KCNQ1OT1: variants seen among roughly 807,000 people sequenced by gnomAD.
KCNQ1OT1 encodes KCNQ1 antisense RNA 2 (non-protein coding).
exon 1 of KCNQ1OT1, chr11:2,639,142 C>A (rs1214278798): frequency 5.9e-5 from 9 of 152,078 alleles, no homozygotes; most frequent in Admixed American, 2.0e-4. Flanking sequence ...TTTTTAGCTT[C>A]TTTGCTTTGG....
At chr11:2,640,609 T>G in exon 1 of KCNQ1OT1, 1 of 397,802 alleles carries the variant, frequency 2.5e-6, no homozygotes, top group East Asian at 3.6e-5. Context: ...GGGGTACATG[T>G]GCTATTGTTA....
At chr11:2,631,278 A>C (rs917511554) in exon 1 of KCNQ1OT1, 2 of 398,244 alleles carry the variant, frequency 5.0e-6, no homozygotes, top group African/African-American at 2.1e-5. Context: ...TTACCTTTTC[A>C]TTCTTTATTT....
At position 2,608,582 on chromosome 11, in the gene KCNQ1OT1, C is replaced by T. The variant is rs899706095; in HGVS notation, n.91413G>A. The T allele has an allele frequency of 5.8e-5, 23 of 398,394 alleles. No individual in the cohort carries two copies. Among genetic ancestry groups the T allele is most frequent in the African/African-American group, 1.2e-4 (6 of 48,580 alleles). The allele number at this position is 398,394 out of a possible 1,614,324, so 24.7% of individuals were successfully genotyped here. A position where few individuals can be genotyped will look rare whatever the true frequency, so the allele number is the denominator to read the frequency against. ...CCTCGATCTCCTAGTCTCAAGTGAT[C>T]CTTGCCCCTTAGCCTATGACAGGTG... On this transcript the variant is annotated non_coding_transcript_exon_variant, in exon 1 of 1. Transcript: ENST00000597346. The surrounding 1 kb of genome is among the most constrained non-coding windows in gnomAD (Gnocchi z 4.6).
At position 2,653,502 on chromosome 11, in the gene KCNQ1OT1, G is replaced by C; in HGVS notation, n.46493C>G. ...TCAGACACAGCTGGACCCCAGAGCT[G>C]AGATGATCTTGCTCACTTGCTCTCA... On this transcript the variant is annotated non_coding_transcript_exon_variant, in exon 1 of 1. Transcript: ENST00000597346. This position sits in a 1 kb window ranked among gnomAD's most constrained non-coding sequence, Gnocchi z 5.3. 1 of 398,682 alleles carries C rather than the reference G, an allele frequency of 2.5e-6. No individual in the cohort carries two copies. Among genetic ancestry groups the C allele is most frequent in the Non-Finnish European group, 4.4e-6 (1 of 226,136 alleles). 24.7% of individuals were successfully genotyped at this position (398,682 alleles called of 1,614,324 possible).
rs1452563825 is a variant in KCNQ1OT1 at position 2,613,110 on chromosome 11, T to C, written n.86885A>G. 2.5e-6 allele frequency: 1 copy of C among 398,660 alleles called. No individual in the cohort carries two copies. 24.7% of individuals were successfully genotyped at this position (398,660 alleles called of 1,614,324 possible). ...TTAGTCAGACATTTGTTTAAACATC[T>C]TGAGCCAGTGAATCTTCCACCCTCT... On this transcript the variant is annotated non_coding_transcript_exon_variant, in exon 1 of 1. Coordinates refer to ENST00000597346, the Ensembl canonical transcript of KCNQ1OT1. This position sits in a 1 kb window ranked among gnomAD's most constrained non-coding sequence, Gnocchi z 4.8.
At position 2,647,233 on chromosome 11, in the gene KCNQ1OT1, A is replaced by G. The variant is rs1465359562; in HGVS notation, n.52762T>C. 3 of 398,206 alleles carry G rather than the reference A, an allele frequency of 7.5e-6. No homozygotes were observed. The highest frequency in any genetic ancestry group is 1.3e-5 in the Non-Finnish European group (3 of 226,010). The allele number at this position is 398,206 out of a possible 1,614,324, so 24.7% of individuals were successfully genotyped here. A position where few individuals can be genotyped will look rare whatever the true frequency, so the allele number is the denominator to read the frequency against. Reference sequence around the variant, plus strand: ...TTTTTCTGCATCTATTGAGATGATCATGTATTTTTTTGTCCTTCCTTCTGT... The same window carrying G: ...TTTTTCTGCATCTATTGAGATGATCGTGTATTTTTTTGTCCTTCCTTCTGT... On this transcript the variant is annotated non_coding_transcript_exon_variant, in exon 1 of 1. Coordinates refer to ENST00000597346, the Ensembl canonical transcript of KCNQ1OT1. The surrounding 1 kb of genome is among the most constrained non-coding windows in gnomAD (Gnocchi z 4.0).
chr11:2,632,296 T>C (rs1319477957), exon 1 of KCNQ1OT1: 2 of 398,558 alleles, frequency 5.0e-6, no homozygotes, highest in Non-Finnish European at 8.8e-6. Flanking sequence ...CAGGGATTTC[T>C]ACAAATATGA....
rs949898027 is a variant in KCNQ1OT1 at position 2,683,344 on chromosome 11, A to C, written n.16651T>G. ...GGTTTCCCCCGCTCAACACTAGGCC[A>C]CTGTGCCTGCCACTGCTGTCTGCAA... On this transcript the variant is annotated non_coding_transcript_exon_variant, in exon 1 of 1. Transcript: ENST00000597346. The surrounding 1 kb of genome is among the most constrained non-coding windows in gnomAD (Gnocchi z 4.7). 2.5e-6 allele frequency: 1 copy of C among 398,534 alleles called. No individual in the cohort carries two copies. Among genetic ancestry groups the C allele is most frequent in the Non-Finnish European group, 4.4e-6 (1 of 226,040 alleles). 24.7% of individuals were successfully genotyped at this position (398,534 alleles called of 1,614,324 possible).
chr11:2,624,210 A>G lies in KCNQ1OT1; in HGVS notation n.75785T>C, dbSNP rs903610398. On this transcript the variant is annotated non_coding_transcript_exon_variant, in exon 1 of 1. Coordinates refer to ENST00000597346, the Ensembl canonical transcript of KCNQ1OT1. The surrounding 1 kb of genome is among the most constrained non-coding windows in gnomAD (Gnocchi z 4.9). Reference sequence around the variant, plus strand: ...TTTCATATACTTAGTTGCCATCTGTATATCTTCATTGGTGAGATGTCTGTT... The same window carrying G: ...TTTCATATACTTAGTTGCCATCTGTGTATCTTCATTGGTGAGATGTCTGTT... 1.5e-5 allele frequency: 6 copies of G among 398,452 alleles called. No homozygotes were observed. The highest frequency in any genetic ancestry group is 1.1e-4 in the East Asian group (3 of 28,076). The allele number at this position is 398,452 out of a possible 1,614,324, so 24.7% of individuals were successfully genotyped here. A position where few individuals can be genotyped will look rare whatever the true frequency, so the allele number is the denominator to read the frequency against.
Position 2,695,303 on chromosome 11 carries a change from T to C in KCNQ1OT1, n.4692A>G. 2.5e-6 allele frequency: 1 copy of C among 397,980 alleles called. No individual in the cohort carries two copies. The highest frequency in any genetic ancestry group is 3.6e-5 in the East Asian group (1 of 28,060). 24.7% of individuals were successfully genotyped at this position (397,980 alleles called of 1,614,324 possible). On this transcript the variant is annotated non_coding_transcript_exon_variant, in exon 1 of 1. Coordinates refer to ENST00000597346, the Ensembl canonical transcript of KCNQ1OT1. The surrounding 1 kb of genome is among the most constrained non-coding windows in gnomAD (Gnocchi z 5.2). ...TGCTCTCCTCCCTACACAAACAGCT[T>C]CTCCAGGGTAATTTATTTATATCAT...
chr11:2,628,640 G>C (rs927946218), exon 1 of KCNQ1OT1: 4 of 398,086 alleles, frequency 1.0e-5, no homozygotes, highest in African/African-American at 8.2e-5. Flanking sequence ...TTTTTTGTTT[G>C]ATGTAGTTCT....
chr11:2,648,073 C>T (rs1849694325), exon 1 of KCNQ1OT1: 4 of 393,082 alleles, frequency 1.0e-5, no homozygotes, highest in Non-Finnish European at 8.9e-6. Flanking sequence ...AAAAAATTAG[C>T]GAGGTGTGGT....
At position 2,664,369 on chromosome 11, in the gene KCNQ1OT1, G is replaced by A. The variant is rs1202985247; in HGVS notation, n.35626C>T. 3 of 398,772 alleles carry A rather than the reference G, an allele frequency of 7.5e-6. No homozygotes were observed. The highest frequency in any genetic ancestry group is 1.3e-5 in the Non-Finnish European group (3 of 226,256). 24.7% of individuals were successfully genotyped at this position (398,772 alleles called of 1,614,324 possible). A position where few individuals can be genotyped will look rare whatever the true frequency, so the allele number is the denominator to read the frequency against. On this transcript the variant is annotated non_coding_transcript_exon_variant, in exon 1 of 1. Coordinates refer to ENST00000597346, the Ensembl canonical transcript of KCNQ1OT1. This position sits in a 1 kb window ranked among gnomAD's most constrained non-coding sequence, Gnocchi z 5.1. The stretch of plus-strand genomic sequence containing the variant: ...TGGGTTCCTGCATCCTCAGAAGTCA[G>A]GGTACGGTCCCTCCAGAGAGGCCTG...
exon 1 of KCNQ1OT1, chr11:2,681,391 G>A (rs190777761): frequency 3.5e-5 from 14 of 398,336 alleles, no homozygotes; most frequent in Non-Finnish European, 5.3e-5. Flanking sequence ...TTGGGGCTGG[G>A]GTGACTAAAG....
exon 1 of KCNQ1OT1, chr11:2,685,697 G>T: frequency 2.5e-6 from 1 of 398,644 alleles, no homozygotes; most frequent in South Asian, 1.3e-4. Flanking sequence ...TCAGGCCTTC[G>T]GTCTGGGACC....
In KCNQ1OT1 at chr11:2,624,521, G is replaced by T. The variant is rs1849231420; in HGVS notation, n.75474C>A. 2.5e-6 allele frequency: 1 copy of T among 398,208 alleles called. No individual in the cohort carries two copies. Among genetic ancestry groups the T allele is most frequent in the Non-Finnish European group, 4.4e-6 (1 of 225,974 alleles). The allele number at this position is 398,208 out of a possible 1,614,324, so 24.7% of individuals were successfully genotyped here. On this transcript the variant is annotated non_coding_transcript_exon_variant, in exon 1 of 1. Transcript: ENST00000597346. The surrounding 1 kb of genome is among the most constrained non-coding windows in gnomAD (Gnocchi z 4.9). ...AAAGATCATCTAGATTTCTTCCTAT[G>T]TTATCTTCTGGGATTTCTATTTGTT...
rs1849601243 is a variant in KCNQ1OT1 at position 2,642,834 on chromosome 11, G to C, written n.57161C>G. The C allele has an allele frequency of 1.3e-5, 5 of 397,704 alleles. No homozygotes were observed. Among genetic ancestry groups the C allele is most frequent in the African/African-American group, 2.1e-5 (1 of 48,560 alleles). 24.6% of individuals were successfully genotyped at this position (397,704 alleles called of 1,614,324 possible). ...CTTTCCTCTTAGCATTGCTTTTGCA[G>C]TATCCCTTAAGTTTCAGAATGTTGT... On this transcript the variant is annotated non_coding_transcript_exon_variant, in exon 1 of 1. Transcript: ENST00000597346. The surrounding 1 kb of genome is among the most constrained non-coding windows in gnomAD (Gnocchi z 4.3).
At chr11:2,632,493 G>C (rs1849377395) in exon 1 of KCNQ1OT1, 2 of 398,284 alleles carry the variant, frequency 5.0e-6, no homozygotes, top group Non-Finnish European at 8.9e-6. Context: ...CTCCTTGTGG[G>C]TTTTTCTTCT....
At chr11:2,618,819 T>C (rs1408199002) in exon 1 of KCNQ1OT1, 2 of 398,284 alleles carry the variant, frequency 5.0e-6, no homozygotes, top group African/African-American at 4.1e-5. Context: ...GAGCATGGGA[T>C]ATCTTTCCAT....
Sources: gnomAD v4.1 joint callset for allele counts on GRCh38, gnomAD v4.1.1 for gene constraint, Gnocchi (gnomAD v3.1) non-coding constraint, MANE v1.5 for transcripts, NCBI Gene and HGNC (gene_info 2026-07-23, HGNC 2026-07-21) for gene names.